Variants in SEC16B observed in about 807,000 individuals in gnomAD.
SEC16B encodes the protein SEC16 homolog B, endoplasmic reticulum export factor, also known as protein transport protein Sec16B.
In SEC16B, 115 loss-of-function variants were observed where a neutral mutation model predicts 141.8. The ratio of observed to expected loss-of-function variants is 0.81; its 90% confidence interval spans 0.70 to 0.95. SEC16B has a LOEUF of 0.95. Among genes scored for constraint, SEC16B ranks in the 40% least tolerant of loss-of-function variants. The pLI is 0.00. For synonymous variants in SEC16B, 493 were observed against 492.5 expected (o/e 1.00, Z -0.01); for missense variants, 1,291 against 1,312.3 (o/e 0.98, Z 0.25).
Position 177,968,059 on chromosome 1 carries a change from G to A in SEC16B, c.-58-20C>T. On this transcript the variant is annotated intron_variant, in intron 1 of 25. Coordinates refer to ENST00000308284, the MANE Select transcript of SEC16B (RefSeq NM_033127.4). ...ATCTTCCTGCAGACAAAAGAAAAAG[G>A]AAAAAATCATCACTTGAAGCCTATA... 4.3e-6 allele frequency: 6 copies of A among 1,395,878 alleles called. No homozygotes were observed. The highest frequency in any genetic ancestry group is 5.3e-5 in the Admixed American group (2 of 37,488). 86.5% of individuals were successfully genotyped at this position (1,395,878 alleles called of 1,614,324 possible). A position where few individuals can be genotyped will look rare whatever the true frequency, so the allele number is the denominator to read the frequency against.
At chr1:177,960,082 C>T (rs1557985505) in intron 8 of SEC16B, 4 of 458,272 alleles carry the variant, frequency 8.7e-6, no homozygotes, top group East Asian at 7.1e-5. Flanking sequence ...TCCAACCATG[C>T]AGCCTCTGCA....
intron 12 of SEC16B, among the ~76,000 whole-genome samples, chr1:177,949,658 A>G (rs886411599): frequency 1.3e-5 from 2 of 152,184 alleles, no homozygotes; most frequent in African/African-American, 4.8e-5. Flanking sequence ...CAAAATCCCC[A>G]TAAAGATTAA....
intron 18 of SEC16B, 93 bp from the exon 19 acceptor site, chr1:177,937,606 T>C: frequency 8.7e-7 from 1 of 1,149,284 alleles, no homozygotes; most frequent in Non-Finnish European, 1.2e-6. Flanking sequence ...ATGTCTTCTT[T>C]GGAAAGCAGT....
intron 13 of SEC16B, among the ~76,000 whole-genome samples, chr1:177,946,957 T>C (rs1218668194): frequency 6.6e-6 from 1 of 152,166 alleles, no homozygotes; most frequent in Non-Finnish European, 1.5e-5. Flanking sequence ...ATAAAAATCA[T>C]ATTAATTACC....
chr1:177,977,322 G>A (rs1654206665), intron 1 of SEC16B, among the ~76,000 whole-genome samples: 2 of 152,300 alleles, frequency 1.3e-5, no homozygotes, highest in East Asian at 3.9e-4. Flanking sequence ...CTCCATCCCT[G>A]CAGGCGAAGC....
chr1:177,969,113 A>G (rs1653776173), intron 1 of SEC16B, among the ~76,000 whole-genome samples: 1 of 152,154 alleles, frequency 6.6e-6, no homozygotes, highest in South Asian at 2.1e-4. Context: ...TTTCTTCCTT[A>G]GGAACTGTTT....
intron 8 of SEC16B, chr1:177,959,179 T>C: frequency 1.6e-6 from 1 of 620,252 alleles, no homozygotes; most frequent in South Asian, 1.8e-5. Flanking sequence ...GATTCTCTCA[T>C]GCACCCCCTT....
Position 177,965,472 on chromosome 1 carries a change from C to T in SEC16B, c.413-305G>A, listed in dbSNP as rs12057973. 7.1e-3 allele frequency among the ~76,000 whole-genome samples: 1,075 copies of T among 152,068 alleles called. 13 individuals are homozygous for T. Among genetic ancestry groups the T allele is most frequent in the African/African-American group, 0.024 (1,005 of 41,444 alleles). On this transcript the variant is annotated intron_variant, in intron 3 of 25. Coordinates refer to ENST00000308284, the MANE Select transcript of SEC16B (RefSeq NM_033127.4). ...CAGTTCAGATGCTGCCATTAAGACACACCCTATACCTATTAGCATACGGTA... is the reference window on the plus strand; with the variant it reads ...CAGTTCAGATGCTGCCATTAAGACATACCCTATACCTATTAGCATACGGTA...
At chr1:177,959,055 T>C (rs750692298) in intron 8 of SEC16B, 80 bp from the exon 9 acceptor site, 1 of 1,452,768 alleles carries the variant, frequency 6.9e-7, no homozygotes. Flanking sequence ...CTCCTAAGTG[T>C]GCAAGTGCTG....
At chr1:177,961,830 G>A (rs753553576) in intron 5 of SEC16B, 96 bp from the exon 6 acceptor site, 2 of 1,135,296 alleles carry the variant, frequency 1.8e-6, no homozygotes, top group Non-Finnish European at 2.6e-6. Context: ...CGGTGAAAGT[G>A]GATGTGTTGA....
intron 5 of SEC16B, among the ~76,000 whole-genome samples, chr1:177,963,063 G>C (rs561916813): frequency 7.3e-4 from 110 of 151,198 alleles, no homozygotes; most frequent in African/African-American, 2.5e-3. Flanking sequence ...AGCCGAGATT[G>C]TGCCACAGCA....
In SEC16B at chr1:177,941,777, C is replaced by T. The variant is rs573010212; in HGVS notation, c.2022+123G>A. ...GGCATGCATACATGGTCAAAGATGG[C>T]CGTGGGCTCCAATTTTATGGCATGT... On this transcript the variant is annotated intron_variant, in intron 16 of 25. Transcript: ENST00000308284. 89 of 1,106,724 alleles carry T rather than the reference C, an allele frequency of 8.0e-5. 1 individual carries two copies. The African/African-American group carries it at 1.2e-3, about 15-fold the overall frequency. The allele number at this position is 1,106,724 out of a possible 1,614,324, so 68.6% of individuals were successfully genotyped here.
At chr1:177,969,783 C>A (rs1192472640) in intron 1 of SEC16B, 101 bp downstream of exon 1, 1 of 152,176 alleles carries the variant, frequency 6.6e-6, no homozygotes, top group East Asian at 1.9e-4. Flanking sequence ...TGTAGATGAC[C>A]TTTCCTAGCC....
chr1:177,930,149 T>A (rs1191533608), intron 25 of SEC16B, among the ~76,000 whole-genome samples: 3 of 152,204 alleles, frequency 2.0e-5, no homozygotes, highest in Non-Finnish European at 1.5e-5. Context: ...TTAGCAGAGC[T>A]AAGTCTACCC....
chr1:177,960,790 C>T lies in SEC16B; in HGVS notation c.936+1G>A. ...TTCCAGGGACACTGGGTCTTCTTTA[C>T]CTCCATGCTGTGCAGTTCAACAAGG... On this transcript the variant is annotated splice_donor_variant, in intron 7 of 25. Coordinates refer to ENST00000308284, the MANE Select transcript of SEC16B (RefSeq NM_033127.4). LOFTEE classifies it high-confidence loss of function. 2 of 1,600,708 alleles carry T rather than the reference C, an allele frequency of 1.2e-6. No homozygotes were observed. Among genetic ancestry groups the T allele is most frequent in the Non-Finnish European group, 8.5e-7 (1 of 1,172,328 alleles).
chr1:177,979,639 T>G (rs559710288), intron 1 of SEC16B, among the ~76,000 whole-genome samples: 1 of 152,244 alleles, frequency 6.6e-6, no homozygotes, highest in Admixed American at 6.5e-5. Context: ...TTTCTAAGTG[T>G]ATTAGTCCAT....
At chr1:177,943,909 T>G (rs1651472367) in intron 15 of SEC16B, among the ~76,000 whole-genome samples, 3 of 152,136 alleles carry the variant, frequency 2.0e-5, no homozygotes, top group African/African-American at 7.2e-5. Flanking sequence ...GTAGTCTGCA[T>G]GGAGGAAGGG....
In SEC16B at chr1:177,941,898, A is replaced by G; in HGVS notation, c.2022+2T>C. On this transcript the variant is annotated splice_donor_variant, in intron 16 of 25. Transcript: ENST00000308284. LOFTEE classifies it high-confidence loss of function. ...CTGCACAGAACCCTTTGAGAGGCTC[A>G]CCTTGATGAGTTCCACTAATAGCAC... 1 of 1,613,618 alleles carries G rather than the reference A, an allele frequency of 6.2e-7. No homozygotes were observed. The highest frequency in any genetic ancestry group is 8.5e-7 in the Non-Finnish European group (1 of 1,179,714).
intron 24 of SEC16B, among the ~76,000 whole-genome samples, chr1:177,931,352 A>T (rs532533762): frequency 1.3e-5 from 2 of 152,312 alleles, no homozygotes; most frequent in South Asian, 4.1e-4. Flanking sequence ...GTTCTCACTT[A>T]TAAGTGGGGA....
Sources: allele counts gnomAD v4.1 joint callset (sites outside exome capture counted in the v4.1 genomes callset), GRCh38; gene constraint gnomAD v4.1.1; transcripts MANE v1.5; gene names NCBI Gene and HGNC (gene_info 2026-07-23, HGNC 2026-07-21).